MCM8: variants seen among roughly 807,000 people sequenced by gnomAD.
MCM8 encodes the protein DNA helicase MCM8.
In MCM8, 85 loss-of-function variants were observed where a neutral mutation model predicts 98.9. The ratio of observed to expected loss-of-function variants is 0.86; its 90% confidence interval spans 0.72 to 1.03. The LOEUF (loss-of-function observed/expected upper bound fraction) is 1.03, where lower values mean the gene tolerates loss of function less well. Ranked by LOEUF, MCM8 falls within the 50% of genes least tolerant of loss-of-function variation. The pLI is 0.00. For synonymous variants in MCM8, 352 were observed against 338.6 expected (o/e 1.04, Z -0.44); for missense variants, 951 against 997.8 (o/e 0.95, Z 0.63).
chr20:5,979,241 A>G (rs548883924), intron 13 of MCM8, among the ~76,000 whole-genome samples: 2 of 152,002 alleles, frequency 1.3e-5, no homozygotes, highest in South Asian at 4.2e-4. Context: ...CTTCTTTCTC[A>G]GTCGTTTACT....
At chr20:5,993,042 A>C (rs568425848) in intron 17 of MCM8, among the ~76,000 whole-genome samples, 48 of 152,266 alleles carry the variant, frequency 3.2e-4, no homozygotes, top group African/African-American at 1.1e-3. Context: ...TTAATATCTA[A>C]CCAGTATCAC....
intron 1 of MCM8, 113 bp from the exon 2 acceptor site, chr20:5,951,898 T>TGC: frequency 8.2e-7 from 1 of 1,215,454 alleles, no homozygotes; most frequent in Admixed American, 2.9e-5. Context: ...GCAAGCCTGT[T>TGC]TGCTACTCTT....
intron 5 of MCM8, among the ~76,000 whole-genome samples, chr20:5,956,489 G>T (rs1470236468): frequency 6.6e-6 from 1 of 152,162 alleles, no homozygotes; most frequent in Non-Finnish European, 1.5e-5. Context: ...GCAATGGTGT[G>T]ATCTTGCCTC....
At position 5,983,034 on chromosome 20, in the gene MCM8, G is replaced by A. The variant is rs757770085; in HGVS notation, c.1602G>A (p.Met534Ile). ...GNQHQALLEA[M>I]EQQSISLAKA... ...AACATCAAGCCTTGTTGGAAGCCAT[G>A]GAGCAGCAAAGTATTAGTCTTGCTA... is the stretch of plus-strand genomic sequence containing the variant. Residue 534 changes from methionine (M) to isoleucine (I), a missense_variant, in exon 14 of 19, where the codon ATG becomes ATA. Transcript: ENST00000610722. 3 of 1,613,968 alleles carry A rather than the reference G, an allele frequency of 1.9e-6. No homozygotes were observed. The highest frequency in any genetic ancestry group is 4.5e-5 in the East Asian group (2 of 44,856).
chr20:5,985,473 CTAAGA>C (rs2089713431), intron 15 of MCM8, among the ~76,000 whole-genome samples: 1 of 149,838 alleles, frequency 6.7e-6, no homozygotes, highest in Non-Finnish European at 1.5e-5. Flanking sequence ...TCTAAGTCAG[CTAAGA>C]TGAGACCTAC....
rs1009528180 is a variant in MCM8, at chr20:5,957,614, G to A, written c.590+385G>A. Among the ~76,000 whole-genome samples the A allele has an allele frequency of 4.6e-5, 7 of 152,326 alleles. 1 individual carries two copies. The South Asian group carries it at 1.5e-3, about 32-fold the overall frequency. ...CCCTGACACGACACTGAAAGGAAAT[G>A]TTCATTGGAGCACTTCAGATTTTTG... On this transcript the variant is annotated intron_variant, in intron 6 of 18. Coordinates refer to ENST00000610722, the MANE Select transcript of MCM8 (RefSeq NM_032485.6).
intron 7 of MCM8, among the ~76,000 whole-genome samples, chr20:5,959,365 T>G (rs2089076350): frequency 6.6e-6 from 1 of 152,266 alleles, no homozygotes. Flanking sequence ...GAAATTGGCA[T>G]GTATTCTTCA....
intron 12 of MCM8, among the ~76,000 whole-genome samples, chr20:5,975,482 C>G (rs1382235924): frequency 6.7e-6 from 1 of 148,516 alleles, no homozygotes; most frequent in East Asian, 2.0e-4. Flanking sequence ...GTATATAAAA[C>G]TTCCTTTTTT....
chr20:5,979,729 G>A (rs2089592115), intron 13 of MCM8, among the ~76,000 whole-genome samples: 1 of 152,090 alleles, frequency 6.6e-6, no homozygotes, highest in African/African-American at 2.4e-5. Context: ...GATTATTACT[G>A]TAATCTCCTA....
intron 4 of MCM8, 49 bp downstream of exon 4, chr20:5,954,739 T>C (rs236114): frequency 0.82 from 911,523 of 1,115,924 alleles, 374,089 homozygotes; most frequent in East Asian, 1. Flanking sequence ...ATCTTACCAA[T>C]GTATTCGAGG....
chr20:5,954,952 A>G (rs2088934713), intron 4 of MCM8, 150 bp from the exon 5 acceptor site: 3 of 633,310 alleles, frequency 4.7e-6, no homozygotes, highest in Non-Finnish European at 8.0e-6. Context: ...TATCAGAACC[A>G]TGCTTGGCAC....
At chr20:5,982,679 A>G (rs547720912) in intron 13 of MCM8, among the ~76,000 whole-genome samples, 4 of 152,316 alleles carry the variant, frequency 2.6e-5, no homozygotes, top group Admixed American at 2.0e-4. Context: ...TTAACTCCTT[A>G]AGCATTTTGA....
chr20:5,989,120 C>CTTTTTTTTTTTTTTTTTTTT (rs1172678780), intron 17 of MCM8, among the ~76,000 whole-genome samples: 2 of 120,346 alleles, frequency 1.7e-5, no homozygotes, highest in African/African-American at 7.5e-5. Flanking sequence ...TAGCGCAAGT[C>CTTTTTTTTTTTTTTTTTTTT]TTTTTTTTTT....
chr20:5,973,443 T>G (rs1445495260), intron 12 of MCM8, among the ~76,000 whole-genome samples: 3 of 152,240 alleles, frequency 2.0e-5, no homozygotes, highest in African/African-American at 4.8e-5. Flanking sequence ...TTAGGAAATA[T>G]TAACCATTTC....
At position 5,977,897 on chromosome 20, in the gene MCM8, C is replaced by T. The variant is rs141717702; in HGVS notation, c.1417C>T (p.Arg473Cys). Residue 473 changes from arginine (R) to cysteine (C), a missense_variant, in exon 13 of 19, where the codon CGT becomes TGT. Arg to Cys is a radical substitution (Grantham distance 180). Transcript: ENST00000610722. The stretch of plus-strand genomic sequence containing the variant: ...TTAGGCAGCGTGCAATGTTGCCCCA[C>T]GTGGCGTGTATGTTTGTGGTAACAC... The part of the protein sequence containing the change: ...MLQAACNVAP[R>C]GVYVCGNTTT... 5 of 1,614,184 alleles carry T rather than the reference C, an allele frequency of 3.1e-6. No individual in the cohort carries two copies. The East Asian group carries it at 8.9e-5, about 29-fold the overall frequency.
At chr20:5,963,488 G>A in intron 8 of MCM8, 129 bp downstream of exon 8, 1 of 528,230 alleles carries the variant, frequency 1.9e-6, no homozygotes, top group Non-Finnish European at 3.3e-6. Flanking sequence ...TATAATAGAT[G>A]GTTTATTTGA....
chr20:5,959,690 CTTTTTTTTTT>C (rs61232248), intron 7 of MCM8, among the ~76,000 whole-genome samples: 1 of 65,198 alleles, frequency 1.5e-5, no homozygotes, highest in African/African-American at 5.8e-5. Flanking sequence ...GTAGGCTGTA[CTTTTTTTTTT>C]TTTTTTTTTT....
intron 5 of MCM8, among the ~76,000 whole-genome samples, chr20:5,956,645 T>C (rs112161164): frequency 0.024 from 3,671 of 152,160 alleles, 132 homozygotes; most frequent in African/African-American, 0.077. Context: ...CCACCCACTT[T>C]GGCCTCCCAA....
chr20:5,977,859 A>G lies in MCM8; in HGVS notation c.1396-17A>G. On this transcript the variant is annotated splice_polypyrimidine_tract_variant and intron_variant, in intron 12 of 18. Transcript: ENST00000610722. ...CTTTTACTTTGGATGATTCTCTTAA[A>G]CTTTTTGTTTCCTTAGGCAGCGTGC... is the stretch of plus-strand genomic sequence containing the variant. The G allele has an allele frequency of 6.2e-7, 1 of 1,611,876 alleles. No individual in the cohort carries two copies. The highest frequency in any genetic ancestry group is 8.5e-7 in the Non-Finnish European group (1 of 1,178,506).
Sources: gnomAD v4.1 joint callset for allele counts (sites outside exome capture counted in the v4.1 genomes callset) on GRCh38, gnomAD v4.1.1 for gene constraint, MANE v1.5 for transcripts, NCBI Gene and HGNC (gene_info 2026-07-23, HGNC 2026-07-21) for gene names.